Variants in MTMR14 observed in about 807,000 individuals in gnomAD.
MTMR14 encodes phosphatidylinositol-3,5-bisphosphate 3-phosphatase MTMR14.
A neutral mutation model predicts 86.3 loss-of-function variants in MTMR14; 48 were observed. The observed-to-expected ratio is 0.56, with a 90% CI of 0.44 to 0.71. The LOEUF (loss-of-function observed/expected upper bound fraction) is 0.71. MTMR14 is among the 30% of genes least tolerant of loss of function. The pLI is 0.00. For synonymous variants in MTMR14, 366 were observed against 326.1 expected (o/e 1.12, Z -1.32); for missense variants, 780 against 834.6 (o/e 0.93, Z 0.81).
At chr3:9,658,177 G>A (rs1178298234) in intron 2 of MTMR14, among the ~76,000 whole-genome samples, 2 of 152,182 alleles carry the variant, frequency 1.3e-5, no homozygotes, top group Non-Finnish European at 2.9e-5. Flanking sequence ...GGTATGTTTG[G>A]GTGGGAAGAA....
intron 14 of MTMR14, among the ~76,000 whole-genome samples, chr3:9,688,235 A>G (rs1012697243): frequency 9.2e-5 from 14 of 152,198 alleles, no homozygotes; most frequent in African/African-American, 3.1e-4. Flanking sequence ...AGTGTGCCCA[A>G]GCTGACTCTT....
Position 9,677,837 on chromosome 3 carries a change from C to T in MTMR14, c.823-147C>T. The T allele has an allele frequency of 4.6e-6, 3 of 656,406 alleles. No homozygotes were observed. Among genetic ancestry groups the T allele is most frequent in the Non-Finnish European group, 8.0e-6 (3 of 374,532 alleles). The allele number at this position is 656,406 out of a possible 1,614,324, so 40.7% of individuals were successfully genotyped here. On this transcript the variant is annotated intron_variant, in intron 8 of 18. Transcript: ENST00000296003. The surrounding 1 kb of genome is among the most constrained non-coding windows in gnomAD (Gnocchi z 4.2). ...TGATCTGGTCACATTGATTTTTAAG[C>T]TGTCACTCCCAGGTAGCACAGGTAT...
In MTMR14 at chr3:9,665,056, G is replaced by C. The variant is rs2048168232; in HGVS notation, c.417+2681G>C. 2.0e-5 allele frequency among the ~76,000 whole-genome samples: 3 copies of C among 152,256 alleles called. No individual in the cohort carries two copies. The South Asian group carries it at 6.2e-4, about 32-fold the overall frequency. On this transcript the variant is annotated intron_variant, in intron 3 of 18. Coordinates refer to ENST00000296003, the MANE Select transcript of MTMR14 (RefSeq NM_001077525.3). Reference sequence around the variant, plus strand: ...CCCAGCACTTTGGGAGGCCAAGGCAGGCAGATCGTGAGGTCAGGAGTTCGA... The same window carrying C: ...CCCAGCACTTTGGGAGGCCAAGGCACGCAGATCGTGAGGTCAGGAGTTCGA...
At chr3:9,655,289 C>G (rs2047531385) in intron 2 of MTMR14, among the ~76,000 whole-genome samples, 1 of 150,960 alleles carries the variant, frequency 6.6e-6, no homozygotes, top group African/African-American at 2.4e-5. Flanking sequence ...ATCGCTTGAA[C>G]CCAGGAGGTG....
At position 9,677,302 on chromosome 3, in the gene MTMR14, G is replaced by T. The variant is rs1425007102; in HGVS notation, c.752-15G>T. ...CTGGGAAGGGAGATGTCATAACTCT[G>T]CCCTTCTTTTCCAGGCTGTGAATTT... On this transcript the variant is annotated splice_polypyrimidine_tract_variant and intron_variant, in intron 7 of 18. Coordinates refer to ENST00000296003, the MANE Select transcript of MTMR14 (RefSeq NM_001077525.3). The surrounding 1 kb of genome is among the most constrained non-coding windows in gnomAD (Gnocchi z 4.2). The T allele has an allele frequency of 1.2e-6, 2 of 1,612,508 alleles. No homozygotes were observed. Among genetic ancestry groups the T allele is most frequent in the Admixed American group, 3.3e-5 (2 of 60,008 alleles).
rs115996597 is a variant in MTMR14, at chr3:9,669,834, G to A, written c.554+342G>A. On this transcript the variant is annotated intron_variant, in intron 5 of 18. Coordinates refer to ENST00000296003, the MANE Select transcript of MTMR14 (RefSeq NM_001077525.3). ...AGAGTTGCCAGTTTGCAGCTATGATGCTGATTACCAACCTGCCAGATCTCA... is the reference window on the plus strand; with the variant it reads ...AGAGTTGCCAGTTTGCAGCTATGATACTGATTACCAACCTGCCAGATCTCA... Among the ~76,000 whole-genome samples, 317 of 152,296 alleles carry A rather than the reference G, an allele frequency of 2.1e-3. 1 individual carries two copies. Among genetic ancestry groups the A allele is most frequent in the African/African-American group, 7.4e-3 (308 of 41,558 alleles).
chr3:9,666,136 T>G (rs2048243630), intron 3 of MTMR14, among the ~76,000 whole-genome samples: 3 of 145,232 alleles, frequency 2.1e-5, no homozygotes, highest in African/African-American at 7.8e-5. Flanking sequence ...TTTGTTGGTT[T>G]TTTTTTTTTT....
chr3:9,667,135 T>A (rs1418167086), intron 3 of MTMR14, among the ~76,000 whole-genome samples: 1 of 152,206 alleles, frequency 6.6e-6, no homozygotes, highest in African/African-American at 2.4e-5. Context: ...AAGGCAGCTA[T>A]CTGCTCTGAA....
At position 9,677,238 on chromosome 3, in the gene MTMR14, G is replaced by T; in HGVS notation, c.752-79G>T. 7.5e-7 allele frequency: 1 copy of T among 1,324,836 alleles called. No individual in the cohort carries two copies. Among genetic ancestry groups the T allele is most frequent in the South Asian group, 1.2e-5 (1 of 83,934 alleles). The allele number at this position is 1,324,836 out of a possible 1,614,324, so 82.1% of individuals were successfully genotyped here. The stretch of plus-strand genomic sequence containing the variant: ...CGGCCCCCTCTCCACAGCACTCAGG[G>T]ACCTGGGTCTGGCCAGGGCTGTCTC... On this transcript the variant is annotated intron_variant, in intron 7 of 18. Transcript: ENST00000296003. The surrounding 1 kb of genome is among the most constrained non-coding windows in gnomAD (Gnocchi z 4.2).
Position 9,663,540 on chromosome 3 carries a change from A to G in MTMR14, c.417+1165A>G, listed in dbSNP as rs1182002506. ...TTTTTTTTTTTTTGAGGCAGCAGAC[A>G]TCTTGCTCTGCTGCCCAGGCTGGAG... On this transcript the variant is annotated intron_variant, in intron 3 of 18. Coordinates refer to ENST00000296003, the MANE Select transcript of MTMR14 (RefSeq NM_001077525.3). Among the ~76,000 whole-genome samples the G allele has an allele frequency of 4.3e-5, 5 of 115,160 alleles. No individual in the cohort carries two copies. The East Asian group carries it at 8.1e-4, about 19-fold the overall frequency. The allele number at this position is 115,160 out of a possible 152,430, so 75.5% of individuals were successfully genotyped here.
chr3:9,670,166 C>G (rs923280910), intron 5 of MTMR14, among the ~76,000 whole-genome samples: 1 of 152,254 alleles, frequency 6.6e-6, no homozygotes, highest in Admixed American at 6.5e-5. Flanking sequence ...TCAAGCATCT[C>G]TGGAATGCAC....
At chr3:9,693,850 G>A (rs2076207436) in intron 17 of MTMR14, among the ~76,000 whole-genome samples, 2 of 152,178 alleles carry the variant, frequency 1.3e-5, no homozygotes, top group African/African-American at 4.8e-5. Context: ...CAACAAAAAG[G>A]AATAATAAGG....
At chr3:9,688,441 C>T (rs17050516) in intron 14 of MTMR14, among the ~76,000 whole-genome samples, 9,290 of 152,314 alleles carry the variant, frequency 0.061, 387 homozygotes, top group South Asian at 0.13. Context: ...CACACTTGAA[C>T]GCTCAGGGCA....
chr3:9,679,144 A>G (rs977818434), intron 9 of MTMR14, among the ~76,000 whole-genome samples: 3 of 152,190 alleles, frequency 2.0e-5, no homozygotes, highest in Admixed American at 2.0e-4. Context: ...TCCAGACCCT[A>G]ATCACAAGGT....
chr3:9,652,696 C>CA (rs553682561), intron 1 of MTMR14, among the ~76,000 whole-genome samples: 5,256 of 129,492 alleles, frequency 0.041, 249 homozygotes, highest in African/African-American at 0.12. Context: ...GACTCTTTCT[C>CA]AAAAAAAAAA....
In MTMR14 at chr3:9,653,678, G is replaced by A. The variant is rs1488239381; in HGVS notation, c.217G>A (p.Val73Met). 10 of 1,614,160 alleles carry A rather than the reference G, an allele frequency of 6.2e-6. No homozygotes were observed. The highest frequency in any genetic ancestry group is 4.5e-5 in the East Asian group (2 of 44,882). Residue 73 changes from valine (V) to methionine (M), a missense_variant, in exon 2 of 19, where the codon GTG (valine) becomes ATG (methionine). By Grantham distance (21) the Val-to-Met change is conservative (BLOSUM62 1). Transcript: ENST00000296003. Reference protein sequence around the residue: ...ELFGRDYCFSVIPNTNGDICG... With the variant: ...ELFGRDYCFSMIPNTNGDICG... ...GTTTGGCCGAGACTACTGTTTCAGC[G>A]TGATTCCAAACACGAATGGGGATAT...
rs1431075650 is a variant in MTMR14, at chr3:9,678,054, A to G, written c.893A>G (p.Tyr298Cys). 2 of 1,614,034 alleles carry G rather than the reference A, an allele frequency of 1.2e-6. No individual in the cohort carries two copies. Among genetic ancestry groups the G allele is most frequent in the Non-Finnish European group, 1.7e-6 (2 of 1,180,004 alleles). The change falls in exon 9 of 19, where the codon TAT becomes TGT. Residue 298 changes from tyrosine to cysteine, a missense_variant. Coordinates refer to ENST00000296003, the MANE Select transcript of MTMR14 (RefSeq NM_001077525.3). Reference sequence around the variant, plus strand: ...TCTCTGAACATTGACTGGAGCCAGTATCAGGTGAGGGGCCTGACTCAAGCA... The same window carrying G: ...TCTCTGAACATTGACTGGAGCCAGTGTCAGGTGAGGGGCCTGACTCAAGCA... Reference protein sequence around the residue: ...THSLNIDWSQYQCWDLVQQTQ... With the variant: ...THSLNIDWSQCQCWDLVQQTQ...
At chr3:9,690,256 T>A in intron 17 of MTMR14, 113 bp downstream of exon 17, 1 of 1,167,598 alleles carries the variant, frequency 8.6e-7, no homozygotes, top group South Asian at 1.3e-5. Context: ...GTTCCTAAGC[T>A]TGCAGGCCCA....
chr3:9,679,851 G>A (rs574088941), intron 9 of MTMR14, among the ~76,000 whole-genome samples: 4 of 152,308 alleles, frequency 2.6e-5, no homozygotes, highest in African/African-American at 7.2e-5. Context: ...CGTGAAGGCA[G>A]CAGGGCTGGA....
Sources: allele counts gnomAD v4.1 joint callset (sites outside exome capture counted in the v4.1 genomes callset), GRCh38; gene constraint gnomAD v4.1.1; non-coding constraint Gnocchi (gnomAD v3.1); transcripts MANE v1.5; gene names NCBI Gene and HGNC (gene_info 2026-07-23, HGNC 2026-07-21).